The following MEF2C variants were observed in gnomAD, a reference collection of about 807,000 sequenced individuals.
MEF2C encodes myocyte-specific enhancer factor 2C.
MEF2C carries 6 observed loss-of-function variants against 50.5 expected under a neutral mutation model. The observed-to-expected ratio is 0.12, with a 90% CI of 0.07 to 0.23. The LOEUF is 0.23. Among genes scored for constraint, MEF2C ranks in the 10% least tolerant of loss-of-function variants. The pLI is 1.00. For missense variants in MEF2C, 276 were observed against 605.0 expected, an observed-to-expected ratio of 0.46 and a Z score of 5.70; for synonymous variants, 183 against 228.0, an observed-to-expected ratio of 0.80 and a Z score of 1.78.
chr5:88,774,474 C>T (rs972071403), intron 3 of MEF2C, among the ~76,000 whole-genome samples: 2 of 152,092 alleles, frequency 1.3e-5, no homozygotes, highest in African/African-American at 2.4e-5. Flanking sequence ...AGGCGCCCGC[C>T]ACCACGCCAG....
intron 3 of MEF2C, among the ~76,000 whole-genome samples, chr5:88,804,028 T>C (rs1182635795): frequency 2.0e-5 from 3 of 152,230 alleles, no homozygotes; most frequent in African/African-American, 4.8e-5. Context: ...ACAGTTTTCA[T>C]TGATATATAT....
At chr5:88,856,160 A>C (rs575669364) in intron 1 of MEF2C, among the ~76,000 whole-genome samples, 8 of 152,222 alleles carry the variant, frequency 5.3e-5, no homozygotes, top group Non-Finnish European at 1.2e-4. Flanking sequence ...TTTAGCAAAG[A>C]GACTGGAGGC....
chr5:88,811,339 G>T (rs1802710771), intron 2 of MEF2C, among the ~76,000 whole-genome samples: 1 of 152,112 alleles, frequency 6.6e-6, no homozygotes, highest in African/African-American at 2.4e-5. Flanking sequence ...ATTAGAAAGA[G>T]ATTCAAAACA....
At chr5:88,790,332 G>A (rs534251349) in intron 3 of MEF2C, among the ~76,000 whole-genome samples, 2 of 152,304 alleles carry the variant, frequency 1.3e-5, no homozygotes, top group South Asian at 4.1e-4. Flanking sequence ...GTTTGGAAAA[G>A]GAAATCTAGA....
At chr5:88,816,248 T>C (rs1805296204) in intron 2 of MEF2C, among the ~76,000 whole-genome samples, 1 of 152,016 alleles carries the variant, frequency 6.6e-6, no homozygotes. Context: ...GAGCAATATC[T>C]TTCTGGCAGT....
intron 1 of MEF2C, among the ~76,000 whole-genome samples, chr5:88,872,227 T>G (rs1169599271): frequency 1.3e-5 from 2 of 152,072 alleles, no homozygotes; most frequent in Non-Finnish European, 2.9e-5. Flanking sequence ...AATCATCTAA[T>G]AACTGTACAT....
chr5:88,749,963 G>C (rs1771853376), intron 5 of MEF2C: 1 of 156,508 alleles, frequency 6.4e-6, no homozygotes, highest in Non-Finnish European at 1.4e-5. Context: ...CTGGGAGGCA[G>C]AGCTTGCAGT....
intron 1 of MEF2C, among the ~76,000 whole-genome samples, chr5:88,842,038 A>G (rs1467002865): frequency 3.3e-5 from 5 of 152,172 alleles, no homozygotes; most frequent in Non-Finnish European, 7.3e-5. Flanking sequence ...TCAGATTTCC[A>G]TTCCTCATAC....
intron 1 of MEF2C, among the ~76,000 whole-genome samples, chr5:88,856,851 G>A (rs1192223005): frequency 6.6e-6 from 1 of 152,230 alleles, no homozygotes; most frequent in Admixed American, 6.5e-5. Context: ...GAACCCTCAT[G>A]GAGCTGCTAG....
intron 2 of MEF2C, among the ~76,000 whole-genome samples, chr5:88,815,245 G>A (rs1804785617): frequency 1.3e-5 from 2 of 152,026 alleles, no homozygotes; most frequent in African/African-American, 4.8e-5. Context: ...AAATGCTCAG[G>A]AAGCACATTT....
Position 88,834,809 on chromosome 5 carries a change from T to G in MEF2C, c.-142-10879A>C, listed in dbSNP as rs535250336. Among the ~76,000 whole-genome samples the G allele has an allele frequency of 2.6e-5, 4 of 152,314 alleles. No homozygotes were observed. The South Asian group carries it at 6.2e-4, about 24-fold the overall frequency. On this transcript the variant is annotated intron_variant, in intron 1 of 10. Transcript: ENST00000504921. ...TTCTAAACCCCAGTCTCTTTCTCTA[T>G]AGAGTGGGAATAGTAACAACATACA...
intron 1 of MEF2C, among the ~76,000 whole-genome samples, chr5:88,844,408 A>G (rs1818567467): frequency 6.6e-6 from 1 of 152,230 alleles, no homozygotes; most frequent in African/African-American, 2.4e-5. Context: ...AAAATATTAT[A>G]TGTCAAAGTC....
chr5:88,726,723 C>T (rs1758971692), intron 10 of MEF2C, among the ~76,000 whole-genome samples: 1 of 152,148 alleles, frequency 6.6e-6, no homozygotes, highest in Admixed American at 6.5e-5. Context: ...CAGTTCCTTT[C>T]TGTCTAAGGC....
At chr5:88,746,549 CT>C (rs761093320) in intron 6 of MEF2C, 665 of 984,804 alleles carry the variant, frequency 6.8e-4, no homozygotes, top group Non-Finnish European at 7.7e-4. Context: ...GAGTTTCAAA[CT>C]TTATCTGAAA....
At chr5:88,823,122 AATT>A (rs1809215638) in intron 2 of MEF2C, among the ~76,000 whole-genome samples, 1 of 151,982 alleles carries the variant, frequency 6.6e-6, no homozygotes, top group African/African-American at 2.4e-5. Flanking sequence ...TCTAGAAAAA[AATT>A]ATAACACCAT....
chr5:88,836,249 T>C (rs1245914205), intron 1 of MEF2C, among the ~76,000 whole-genome samples: 1 of 152,134 alleles, frequency 6.6e-6, no homozygotes, highest in Non-Finnish European at 1.5e-5. Context: ...TATCATGGTA[T>C]AGATATTATA....
chr5:88,869,298 C>T (rs867313121), intron 1 of MEF2C, among the ~76,000 whole-genome samples: 1,740 of 98,566 alleles, frequency 0.018, 28 homozygotes, highest in African/African-American at 0.038. Context: ...TATATATACA[C>T]ATATATATAT....
intron 10 of MEF2C, among the ~76,000 whole-genome samples, chr5:88,726,317 G>T (rs1017115873): frequency 6.6e-6 from 1 of 152,160 alleles, no homozygotes; most frequent in African/African-American, 2.4e-5. Flanking sequence ...CCTGGAAAAT[G>T]TATCAATTCT....
At chr5:88,749,891 G>T (rs778304474) in intron 5 of MEF2C, among the ~76,000 whole-genome samples, 1 of 151,774 alleles carries the variant, frequency 6.6e-6, no homozygotes, top group African/African-American at 2.4e-5. Context: ...TTAGCCGGGC[G>T]TGGTGGCGGG....
Sources: allele counts gnomAD v4.1 joint callset (sites outside exome capture counted in the v4.1 genomes callset), GRCh38; gene constraint gnomAD v4.1.1; transcripts MANE v1.5; gene names NCBI Gene and HGNC (gene_info 2026-07-23, HGNC 2026-07-21).